ASPM: variants seen among roughly 807,000 people sequenced by gnomAD.
The protein encoded by ASPM is assembly factor for spindle microtubules.
Under a neutral mutation model 366.4 loss-of-function variants are expected in ASPM, and 256 were observed. The observed-to-expected ratio is 0.70, with a 90% confidence interval of 0.63 to 0.77. The LOEUF is 0.77. Ranked by LOEUF, ASPM falls within the 30% of genes least tolerant of loss-of-function variation. The pLI is 0.00. For synonymous variants in ASPM, 1,414 were observed against 1,342.9 expected, an observed-to-expected ratio of 1.05 and a Z score of -1.16; for missense variants, 4,146 against 4,090.4, an observed-to-expected ratio of 1.01 and a Z score of -0.37.
At chr1:197,140,313 G>A (rs1658542067) in intron 3 of ASPM, among the ~76,000 whole-genome samples, 1 of 152,220 alleles carries the variant, frequency 6.6e-6, no homozygotes, top group African/African-American at 2.4e-5. Flanking sequence ...AATGTGGCCT[G>A]TTGCCAGAAC....
intron 4 of ASPM, chr1:197,139,134 T>TC: frequency 1.2e-6 from 1 of 855,398 alleles, no homozygotes; most frequent in Middle Eastern, 3.0e-4. Context: ...TGTAGGTTTT[T>TC]CTTTTAGATT....
rs886045778 is a variant in ASPM at position 197,135,134 on chromosome 1, G to T, written c.2135C>A (p.Thr712Asn). 5.0e-6 allele frequency: 8 copies of T among 1,607,558 alleles called. No homozygotes were observed. The highest frequency in any genetic ancestry group is 1.7e-5 in the Admixed American group (1 of 59,992). Residue 712 changes from threonine to asparagine, a missense_variant, in exon 5 of 28, where the codon ACC becomes AAC. Coordinates refer to ENST00000367409, the MANE Select transcript of ASPM (RefSeq NM_018136.5). ...GFTWWLNFILTPDDFTVKTNI... is the reference protein window; with the variant it reads ...GFTWWLNFILNPDDFTVKTNI... ...TGTTTTTACAGTGAAGTCATCAGGG[G>T]TTAATATAAAATTTAACCACCAAGT...
At position 197,090,061 on chromosome 1, in the gene ASPM, G is replaced by A; in HGVS notation, c.9853C>T (p.Leu3285Phe). The A allele has an allele frequency of 6.2e-7, 1 of 1,613,136 alleles. No individual in the cohort carries two copies. The highest frequency in any genetic ancestry group is 8.5e-7 in the Non-Finnish European group (1 of 1,179,614). The part of the protein sequence containing the change: ...HLEVVTRLSP[L>F]CCENMAQSGA... The stretch of plus-strand genomic sequence containing the variant: ...CTCTGGGCCATGTTCTCACAACAAA[G>A]TGGAGACAATCTAGTAACTACCTCT... The change falls in exon 25 of 28, where the codon CTT becomes TTT. Residue 3285 changes from leucine (L) to phenylalanine (F), a missense_variant. Physicochemically the swap from Leu to Phe is conservative, Grantham distance 22. Around this residue, in one of 3 missense-constraint regions of ASPM, gnomAD observed 3,624 missense variants for 3,591.7 expected, o/e 1.01. Transcript: ENST00000367409.
chr1:197,111,629 T>C (rs142411116), intron 17 of ASPM, among the ~76,000 whole-genome samples: 2 of 152,276 alleles, frequency 1.3e-5, no homozygotes, highest in African/African-American at 4.8e-5. Context: ...TGGATTCATA[T>C]GTTCATCGCA....
At position 197,103,184 on chromosome 1, in the gene ASPM, C is replaced by A. The variant is rs749703777; in HGVS notation, c.6067G>T (p.Ala2023Ser). The change falls in exon 18 of 28, where the codon GCT becomes TCT. Residue 2023 changes from alanine to serine, a missense_variant. This residue lies in a region of ASPM where 3,624 missense variants were observed against 3,591.7 expected (regional missense o/e 1.01). Transcript: ENST00000367409. ...TAAGCTGACTGTAAAGTTACTACAG[C>A]TGCTTTTGTTTTCAAATATAAATGA... ...QNHLYLKTKA[A>S]VVTLQSAYRG... The A allele has an allele frequency of 6.8e-6, 11 of 1,612,642 alleles. No individual in the cohort carries two copies. The highest frequency in any genetic ancestry group is 1.7e-4 in the Middle Eastern group (1 of 6,052).
At chr1:197,133,691 A>T in intron 5 of ASPM, 96 bp from the exon 6 acceptor site, 2 of 1,429,802 alleles carry the variant, frequency 1.4e-6, no homozygotes, top group Non-Finnish European at 1.9e-6. Flanking sequence ...CGGTAAAAAC[A>T]TAATCTATTC....
At position 197,103,170 on chromosome 1, in the gene ASPM, T is replaced by C; in HGVS notation, c.6081A>G (p.Leu2027=). 6.2e-7 allele frequency: 1 copy of C among 1,612,682 alleles called. No individual in the cohort carries two copies. The highest frequency in any genetic ancestry group is 8.5e-7 in the Non-Finnish European group (1 of 1,179,334). The change falls in exon 18 of 28, where the codon TTA becomes TTG. Residue 2027 remains leucine, a synonymous_variant. Transcript: ENST00000367409. ...YLKTKAAVVT[L]QSAYRGMKVR... is the part of the protein sequence containing the mutation. ...CTTTCATACCACGATAAGCTGACTG[T>C]AAAGTTACTACAGCTGCTTTTGTTT...
chr1:197,089,531 T>C (rs374170759), intron 25 of ASPM, among the ~76,000 whole-genome samples: 1 of 152,162 alleles, frequency 6.6e-6, no homozygotes, highest in East Asian at 1.9e-4. Flanking sequence ...CTTATCACAC[T>C]CAGGTTCTTA....
chr1:197,133,682 G>A (rs180989890), intron 5 of ASPM, 87 bp from the exon 6 acceptor site: 69 of 1,470,756 alleles, frequency 4.7e-5, no homozygotes, highest in African/African-American at 1.4e-4. Context: ...AATTTCAGAC[G>A]GTAAAAACAT....
chr1:197,146,658 C>T lies in ASPM; in HGVS notation c.-221G>A. 5.0e-6 allele frequency: 3 copies of T among 600,136 alleles called. No individual in the cohort carries two copies. The Admixed American group carries it at 9.0e-5, about 18-fold the overall frequency. The allele number at this position is 600,136 out of a possible 1,614,324, so 37.2% of individuals were successfully genotyped here. On this transcript the variant is annotated 5_prime_UTR_variant, in exon 1 of 28. Transcript: ENST00000367409. ...AAAAAGAGGAGCCAAACAAGTATGG[C>T]GTTTTGACTCTGTTTAAACTTGCCG...
Position 197,135,204 on chromosome 1 carries a change from T to G in ASPM, c.2065A>C (p.Met689Leu). 1.2e-6 allele frequency: 2 copies of G among 1,614,048 alleles called. No homozygotes were observed. The highest frequency in any genetic ancestry group is 1.7e-6 in the Non-Finnish European group (2 of 1,179,922). Residue 689 changes from methionine to leucine, a missense_variant, in exon 5 of 28, where the codon ATG (methionine) becomes CTG (leucine). Coordinates refer to ENST00000367409, the MANE Select transcript of ASPM (RefSeq NM_018136.5). Reference protein sequence around the residue: ...RHPMPFAAKNMFYDERWKEKQ... With the variant: ...RHPMPFAAKNLFYDERWKEKQ... ...TCCTTCCAGCGTTCATCATAAAACA[T>G]GTTTTTTGCAGCAAATGGCATCGGG...
intron 1 of ASPM, among the ~76,000 whole-genome samples, chr1:197,145,188 C>G (rs1658728088): frequency 6.6e-6 from 1 of 152,064 alleles, no homozygotes; most frequent in Non-Finnish European, 1.5e-5. Flanking sequence ...TAGTTCAGAC[C>G]TCCTCGGCTA....
rs111475965 is a variant in ASPM at position 197,101,421 on chromosome 1, T to C, written c.7830A>G (p.Ala2610=). 11 of 1,608,658 alleles carry C rather than the reference T, an allele frequency of 6.8e-6. No individual in the cohort carries two copies. In the South Asian group the frequency reaches 8.8e-5, roughly 13 times the overall value. The change falls in exon 18 of 28, where the codon GCA becomes GCG. Residue 2610 remains alanine, a synonymous_variant. Coordinates refer to ENST00000367409, the MANE Select transcript of ASPM (RefSeq NM_018136.5). The part of the protein sequence containing the change: ...NELKKETCVQ[A]GFQDMNIKKQ... Reference sequence around the variant, plus strand: ...TTTTTATGTTCATGTCCTGAAAACCTGCCTGAACACAAGTCTCTTTCTTAA... The same window carrying C: ...TTTTTATGTTCATGTCCTGAAAACCCGCCTGAACACAAGTCTCTTTCTTAA...
chr1:197,104,391 A>C lies in ASPM; in HGVS notation c.4860T>G (p.Ile1620Met). 6.2e-7 allele frequency: 1 copy of C among 1,613,078 alleles called. No homozygotes were observed. Among genetic ancestry groups the C allele is most frequent in the Non-Finnish European group, 8.5e-7 (1 of 1,179,402 alleles). The part of the protein sequence containing the change: ...VIIQTHFRAY[I>M]FAMKVLASYQ... ...AAGATGCTAGAACTTTCATGGCAAA[A>C]ATATAAGCTCGGAAATGAGTCTGAA... The change falls in exon 18 of 28, where the codon ATT (isoleucine) becomes ATG (methionine). Residue 1620 changes from isoleucine (I) to methionine (M), a missense_variant. By Grantham distance (10) the Ile-to-Met change is conservative. Coordinates refer to ENST00000367409, the MANE Select transcript of ASPM (RefSeq NM_018136.5).
At chr1:197,135,324 C>T in intron 4 of ASPM, 82 bp from the exon 5 acceptor site, 1 of 1,303,552 alleles carries the variant, frequency 7.7e-7, no homozygotes, top group Non-Finnish European at 1.1e-6. Context: ...TTTTTACTAG[C>T]AATACCATCT....
intron 19 of ASPM, among the ~76,000 whole-genome samples, 180 bp from the exon 20 acceptor site, chr1:197,094,360 G>A (rs557253097): frequency 1.1e-4 from 16 of 151,812 alleles, no homozygotes; most frequent in African/African-American, 3.1e-4. Context: ...ATTTACACAC[G>A]CACACGAAAG....
Position 197,146,358 on chromosome 1 carries a change from G to T in ASPM, c.80C>A (p.Pro27His), listed in dbSNP as rs1216261013. Residue 27 changes from proline (P) to histidine (H), a missense_variant, in exon 1 of 28, where the codon CCC (proline) becomes CAC (histidine). By Grantham distance (77) the Pro-to-His change is moderately conservative. Around this residue, in one of 3 missense-constraint regions of ASPM, gnomAD observed 512 missense variants for 471.7 expected, o/e 1.09. Coordinates refer to ENST00000367409, the MANE Select transcript of ASPM (RefSeq NM_018136.5). ...GGAAGACGCCTCCTCCTCGGCCGCG[G>T]GGCCCCGCAGCCCCGCGGGCGGCCT... ...ERRPPAGLRG[P>H]AAEEEASSPP... 6.2e-7 allele frequency: 1 copy of T among 1,610,698 alleles called. No individual in the cohort carries two copies. Among genetic ancestry groups the T allele is most frequent in the African/African-American group, 1.3e-5 (1 of 74,962 alleles).
chr1:197,129,433 G>T, intron 8 of ASPM, 116 bp from the exon 9 acceptor site: 1 of 1,165,748 alleles, frequency 8.6e-7, no homozygotes, highest in Non-Finnish European at 1.2e-6. Context: ...AGGGTAGCAA[G>T]CACAAATAAA....
chr1:197,103,360 C>T lies in ASPM; in HGVS notation c.5891G>A (p.Arg1964Lys), dbSNP rs1657270954. The T allele has an allele frequency of 6.2e-7, 1 of 1,613,248 alleles. No individual in the cohort carries two copies. Among genetic ancestry groups the T allele is most frequent in the South Asian group, 1.1e-5 (1 of 91,070 alleles). Residue 1964 changes from arginine (R) to lysine (K), a missense_variant, in exon 18 of 28, where the codon AGA (arginine) becomes AAA (lysine). Arg to Lys is a conservative substitution (Grantham distance 26, BLOSUM62 2). Coordinates refer to ENST00000367409, the MANE Select transcript of ASPM (RefSeq NM_018136.5). ...TTTATGTTGCCTTTGAAGCTGTCTT[C>T]TCAGTGTTTTTCCCTTCCACATAGA... ...LQSMWKGKTLRRQLQRQHKCA... is the reference protein window; with the variant it reads ...LQSMWKGKTLKRQLQRQHKCA...
Sources: gnomAD v4.1 joint callset for allele counts (sites outside exome capture counted in the v4.1 genomes callset) on GRCh38, gnomAD v4.1.1 for gene constraint, gnomAD v4.1.1 regional missense constraint, MANE v1.5 for transcripts, NCBI Gene and HGNC (gene_info 2026-07-23, HGNC 2026-07-21) for gene names.